Variants in FER1L6 observed in about 807,000 individuals in gnomAD.
FER1L6 encodes the protein fer-1 like family member 6, also known as fer-1-like protein 6.
In FER1L6, 177 loss-of-function variants were observed where a neutral mutation model predicts 219.2. The observed-to-expected ratio is 0.81, with a 90% confidence interval of 0.71 to 0.91. The LOEUF (loss-of-function observed/expected upper bound fraction) is 0.91. Ranked by LOEUF, FER1L6 falls within the 40% of genes least tolerant of loss-of-function variation. The pLI, the probability that FER1L6 is intolerant of heterozygous loss-of-function variation, is 0.00. For missense variants in FER1L6, 2,153 were observed against 2,259.9 expected, an observed-to-expected ratio of 0.95 and a Z score of 0.96; for synonymous variants, 768 against 824.3, an observed-to-expected ratio of 0.93 and a Z score of 1.17.
At chr8:123,954,811 G>A (rs1049726945) in intron 1 of FER1L6, among the ~76,000 whole-genome samples, 5 of 152,112 alleles carry the variant, frequency 3.3e-5, no homozygotes, top group African/African-American at 4.8e-5. Flanking sequence ...TGATTGTTCC[G>A]CTGCTTTTCA....
At chr8:124,089,324 T>C (rs911982355) in intron 33 of FER1L6, among the ~76,000 whole-genome samples, 1 of 152,158 alleles carries the variant, frequency 6.6e-6, no homozygotes, top group African/African-American at 2.4e-5. Context: ...ACAATTATTG[T>C]GTTCTTCCTT....
intron 2 of FER1L6, among the ~76,000 whole-genome samples, chr8:123,956,828 C>A (rs184921141): frequency 6.6e-6 from 1 of 152,156 alleles, no homozygotes; most frequent in East Asian, 1.9e-4. Flanking sequence ...GGATGTAAAT[C>A]CAGGCTGTCT....
intron 1 of FER1L6, among the ~76,000 whole-genome samples, chr8:123,865,861 C>G (rs563900415): frequency 2.6e-5 from 4 of 151,556 alleles, no homozygotes; most frequent in South Asian, 2.1e-4. Context: ...CGCGCACCCA[C>G]TGGCCTGCGC....
intron 11 of FER1L6, chr8:123,984,784 C>T (rs909714766): frequency 1.3e-5 from 2 of 152,168 alleles, no homozygotes; most frequent in African/African-American, 4.8e-5. Flanking sequence ...TATGGAAACC[C>T]TTTGGTTCTC....
intron 1 of FER1L6, among the ~76,000 whole-genome samples, chr8:123,920,624 C>T (rs1395116668): frequency 6.6e-6 from 1 of 152,200 alleles, no homozygotes; most frequent in African/African-American, 2.4e-5. Flanking sequence ...TAGGAGGATA[C>T]ACTTAGTGAC....
At position 124,077,664 on chromosome 8, in the gene FER1L6, G is replaced by C. The variant is rs1465576452; in HGVS notation, c.4220+1339G>C. On this transcript the variant is annotated intron_variant, in intron 32 of 40. Coordinates refer to ENST00000522917, the MANE Select transcript of FER1L6 (RefSeq NM_001039112.2). ...TTTTATGAGCTACTTTCACCACAGTGCCATGAACTAGACTTGTTTTACTAT... is the reference window on the plus strand; with the variant it reads ...TTTTATGAGCTACTTTCACCACAGTCCCATGAACTAGACTTGTTTTACTAT... Among the ~76,000 whole-genome samples, 3 of 152,246 alleles carry C rather than the reference G, an allele frequency of 2.0e-5. No individual in the cohort carries two copies. In the East Asian group the frequency reaches 5.8e-4, roughly 29 times the overall value.
rs191787983 is a variant in FER1L6 at position 124,063,176 on chromosome 8, T to A, written c.3328+1144T>A. ...TTAATTTTCTTTTTGATTCACAAAT[T>A]CTTTGTATTTTCTAGATGTTAAAAT... On this transcript the variant is annotated intron_variant, in intron 25 of 40. Transcript: ENST00000522917. 2.3e-4 allele frequency among the ~76,000 whole-genome samples: 35 copies of A among 152,338 alleles called. No individual in the cohort carries two copies. In the East Asian group the frequency reaches 5.8e-3, roughly 25 times the overall value.
intron 18 of FER1L6, among the ~76,000 whole-genome samples, chr8:124,029,102 C>T (rs1179597911): frequency 6.6e-6 from 1 of 152,188 alleles, no homozygotes; most frequent in Non-Finnish European, 1.5e-5. Context: ...CTGCAAAGGA[C>T]ATGATCTCAT....
intron 19 of FER1L6, among the ~76,000 whole-genome samples, chr8:124,037,282 G>C (rs1244857505): frequency 6.6e-6 from 1 of 152,206 alleles, no homozygotes; most frequent in Non-Finnish European, 1.5e-5. Flanking sequence ...CCATTTCCAA[G>C]TTCACTGTCA....
intron 1 of FER1L6, among the ~76,000 whole-genome samples, chr8:123,920,553 G>A (rs558262106): frequency 6.6e-6 from 1 of 152,324 alleles, no homozygotes; most frequent in South Asian, 2.1e-4. Flanking sequence ...GAGGGCCCAC[G>A]TCTAGCCTGA....
intron 1 of FER1L6, among the ~76,000 whole-genome samples, chr8:123,887,245 G>T (rs1044996951): frequency 5.9e-5 from 9 of 152,096 alleles, no homozygotes; most frequent in African/African-American, 1.9e-4. Flanking sequence ...TTCTTTCTTG[G>T]CAATAATTGC....
intron 10 of FER1L6, among the ~76,000 whole-genome samples, chr8:123,978,390 G>C (rs535591243): frequency 1.3e-5 from 2 of 152,290 alleles, no homozygotes; most frequent in African/African-American, 4.8e-5. Context: ...GCCAGGGTGG[G>C]AGCTGAGAGC....
chr8:124,096,876 G>A (rs1441032448), intron 35 of FER1L6, among the ~76,000 whole-genome samples: 2 of 152,138 alleles, frequency 1.3e-5, no homozygotes, highest in African/African-American at 2.4e-5. Context: ...GCTACATATT[G>A]TCTATTAAGC....
In FER1L6 at chr8:124,064,815, C is replaced by T. The variant is rs576329492; in HGVS notation, c.3555+242C>T. 9.2e-5 allele frequency among the ~76,000 whole-genome samples: 14 copies of T among 152,270 alleles called. No individual in the cohort carries two copies. In the East Asian group the frequency reaches 1.4e-3, roughly 15 times the overall value. On this transcript the variant is annotated intron_variant, in intron 26 of 40. Coordinates refer to ENST00000522917, the MANE Select transcript of FER1L6 (RefSeq NM_001039112.2). ...AATGTGACAGTAATATTTAATGGAA[C>T]GGAAACTCTTCTTAATTCATTAGCT... is the stretch of plus-strand genomic sequence containing the variant.
At position 123,963,400 on chromosome 8, in the gene FER1L6, T is replaced by C. The variant is rs781104180; in HGVS notation, c.197+2T>C. ...CCCCTCAGCTTCTCCAAAGAGAAGG[T>C]ACAGTATGGATGCAGGTGGTCAACA... On this transcript the variant is annotated splice_donor_variant, in intron 3 of 40. Coordinates refer to ENST00000522917, the MANE Select transcript of FER1L6 (RefSeq NM_001039112.2). LOFTEE classifies it high-confidence loss of function. 18 of 1,613,832 alleles carry C rather than the reference T, an allele frequency of 1.1e-5. No homozygotes were observed. In the African/African-American group the frequency reaches 2.4e-4, roughly 22 times the overall value.
intron 1 of FER1L6, among the ~76,000 whole-genome samples, chr8:123,864,999 T>C (rs1816807885): frequency 6.6e-6 from 1 of 151,306 alleles, no homozygotes; most frequent in Non-Finnish European, 1.5e-5. Context: ...TCATTCTCCA[T>C]CCAGCTTTGT....
At chr8:124,024,192 G>A (rs1366451357) in intron 18 of FER1L6, among the ~76,000 whole-genome samples, 1 of 145,794 alleles carries the variant, frequency 6.9e-6, no homozygotes, top group African/African-American at 2.8e-5. Context: ...CACCGTACTT[G>A]GCCATTTTTT....
intron 1 of FER1L6, among the ~76,000 whole-genome samples, chr8:123,933,532 CACACACATGTGAGTGCATGT>C (rs1291578734): frequency 2.6e-5 from 4 of 152,172 alleles, no homozygotes; most frequent in African/African-American, 9.7e-5. Context: ...CATATGTGTG[CACACACATGTGAGTGCATGT>C]GCACACATGC....
chr8:123,975,612 A>G (rs754354266), intron 8 of FER1L6, among the ~76,000 whole-genome samples: 2 of 152,228 alleles, frequency 1.3e-5, no homozygotes, highest in Non-Finnish European at 2.9e-5. Context: ...TTATAATTTC[A>G]ATCACTGGTT....
Sources: gnomAD v4.1 joint callset for allele counts (sites outside exome capture counted in the v4.1 genomes callset) on GRCh38, gnomAD v4.1.1 for gene constraint, MANE v1.5 for transcripts, NCBI Gene and HGNC (gene_info 2026-07-23, HGNC 2026-07-21) for gene names.